Variants in OGFOD3 observed in about 807,000 individuals in gnomAD.
OGFOD3 encodes 2-oxoglutarate and iron dependent oxygenase domain containing 3.
OGFOD3 carries 35 observed loss-of-function variants against 39.8 expected under a neutral mutation model. The ratio of observed to expected loss-of-function variants is 0.88; its 90% confidence interval spans 0.67 to 1.17. The LOEUF is 1.17. Ranked by LOEUF, OGFOD3 falls within the 50% of genes most tolerant of loss-of-function variation. The probability of loss-of-function intolerance (pLI) is 0.00; values close to 1 mark genes in which losing one functional copy is unlikely to be tolerated. For missense variants in OGFOD3, 438 were observed against 454.5 expected (o/e 0.96, Z 0.33); for synonymous variants, 200 against 192.0 (o/e 1.04, Z -0.34).
intron 2 of OGFOD3, among the ~76,000 whole-genome samples, chr17:82,414,330 G>A (rs1189246462): frequency 2.0e-5 from 3 of 152,126 alleles, no homozygotes; most frequent in Non-Finnish European, 2.9e-5. Context: ...TAGAGATGGG[G>A]TCTCACTGTG....
chr17:82,404,591 C>T lies in OGFOD3; in HGVS notation c.546-501G>A, dbSNP rs994111159. ...GAAGACCCCATGTGCCAGGCCAGAG[C>T]GGCTCTGAAATGGATGTCTGGGTGG... On this transcript the variant is annotated intron_variant, in intron 6 of 8. Coordinates refer to ENST00000313056, the MANE Select transcript of OGFOD3 (RefSeq NM_024648.3). This position sits in a 1 kb window ranked among gnomAD's most constrained non-coding sequence, Gnocchi z 4.5. Among the ~76,000 whole-genome samples, 13 of 151,862 alleles carry T rather than the reference C, an allele frequency of 8.6e-5. No individual in the cohort carries two copies. Among genetic ancestry groups the T allele is most frequent in the Non-Finnish European group, 1.9e-4 (13 of 67,964 alleles).
At position 82,411,489 on chromosome 17, in the gene OGFOD3, C is replaced by A. The variant is rs145236071; in HGVS notation, c.346G>T (p.Val116Phe). 2.5e-6 allele frequency: 4 copies of A among 1,614,134 alleles called. No homozygotes were observed. The highest frequency in any genetic ancestry group is 1.3e-5 in the African/African-American group (1 of 75,072). ...RKCGRGVTDV[V>F]ITREEAERIR... The stretch of plus-strand genomic sequence containing the variant: ...CGCTCCGCTTCCTCCCTGGTGATGA[C>A]GACATCGGTGACACCTCTGCCGCAC... The change falls in exon 3 of 9, where the codon GTC becomes TTC. Residue 116 changes from valine (V) to phenylalanine (F), a missense_variant. Val to Phe is a conservative substitution (Grantham distance 50). Coordinates refer to ENST00000313056, the MANE Select transcript of OGFOD3 (RefSeq NM_024648.3).
At chr17:82,401,258 C>T (rs1168170244) in intron 7 of OGFOD3, 1 of 151,836 alleles carries the variant, frequency 6.6e-6, no homozygotes, top group Non-Finnish European at 1.5e-5. Flanking sequence ...ATTCTCCTGC[C>T]TCAGCCTCCC....
In OGFOD3 at chr17:82,409,055, C is replaced by T. The variant is rs948800098; in HGVS notation, c.423+313G>A. On this transcript the variant is annotated intron_variant, in intron 4 of 8. Transcript: ENST00000313056. ...CAGCCGTCTCCTCGCTGGGCTCCCACCCCGCTCCCTTGCCGGCTCCCTGCT... is the reference window on the plus strand; with the variant it reads ...CAGCCGTCTCCTCGCTGGGCTCCCATCCCGCTCCCTTGCCGGCTCCCTGCT... Among the ~76,000 whole-genome samples, 3 of 152,326 alleles carry T rather than the reference C, an allele frequency of 2.0e-5. No homozygotes were observed. The East Asian group carries it at 5.8e-4, about 29-fold the overall frequency.
Position 82,406,379 on chromosome 17 carries a change from C to T in OGFOD3, c.488+39G>A, listed in dbSNP as rs1212708520. 1 of 1,596,658 alleles carries T rather than the reference C, an allele frequency of 6.3e-7. No homozygotes were observed. The highest frequency in any genetic ancestry group is 1.1e-5 in the South Asian group (1 of 90,794). On this transcript the variant is annotated intron_variant, in intron 5 of 8. Coordinates refer to ENST00000313056, the MANE Select transcript of OGFOD3 (RefSeq NM_024648.3). This position sits in a 1 kb window ranked among gnomAD's most constrained non-coding sequence, Gnocchi z 5.2. ...AAGAGGCACGGAGCCGCTCACTCGG[C>T]TTTCAGAGCCAGCACTGAGGTCATG...
intron 3 of OGFOD3, 75 bp from the exon 4 acceptor site, chr17:82,409,485 G>A (rs2052910569): frequency 7.2e-7 from 1 of 1,386,532 alleles, no homozygotes; most frequent in East Asian, 2.3e-5. Context: ...ACGTCAATCA[G>A]CAAAATTAAT....
At chr17:82,394,592 C>T in intron 8 of OGFOD3, 1 of 1,493,360 alleles carries the variant, frequency 6.7e-7, no homozygotes. Flanking sequence ...ACTCCAGGGG[C>T]CTGGGCGGTG....
At chr17:82,394,188 C>T in intron 8 of OGFOD3, 2 of 531,724 alleles carry the variant, frequency 3.8e-6, no homozygotes, top group Admixed American at 3.0e-5. Context: ...GATGTAGTTT[C>T]ACCGTGTTAG....
At chr17:82,407,541 G>A (rs1348434468) in intron 4 of OGFOD3, among the ~76,000 whole-genome samples, 3 of 152,176 alleles carry the variant, frequency 2.0e-5, no homozygotes, top group Non-Finnish European at 4.4e-5. Flanking sequence ...TTTCCTGCCC[G>A]ACCACCCACC....
At chr17:82,399,069 C>T (rs1417244898) in intron 7 of OGFOD3, among the ~76,000 whole-genome samples, 2 of 150,308 alleles carry the variant, frequency 1.3e-5, no homozygotes, top group African/African-American at 2.5e-5. Context: ...ACTCCTGGCC[C>T]CAAGTGATCC....
At position 82,392,122 on chromosome 17, in the gene OGFOD3, A is replaced by T. The variant is rs1014307822; in HGVS notation, c.*276T>A. ...GGGTGGATGAGTCCCGTCCATTCAC[A>T]GATGGGGACTTGTGCCCCGTCCTGC... On this transcript the variant is annotated 3_prime_UTR_variant, in exon 9 of 9. Coordinates refer to ENST00000313056, the MANE Select transcript of OGFOD3 (RefSeq NM_024648.3). This position sits in a 1 kb window ranked among gnomAD's most constrained non-coding sequence, Gnocchi z 4.2. 4.0e-6 allele frequency: 2 copies of T among 497,972 alleles called. No homozygotes were observed. The highest frequency in any genetic ancestry group is 3.6e-6 in the Non-Finnish European group (1 of 279,630). 30.8% of individuals were successfully genotyped at this position (497,972 alleles called of 1,614,324 possible). A position where few individuals can be genotyped will look rare whatever the true frequency, so the allele number is the denominator to read the frequency against.
chr17:82,414,853 G>A (rs1272956958), intron 2 of OGFOD3, among the ~76,000 whole-genome samples: 1 of 152,256 alleles, frequency 6.6e-6, no homozygotes, highest in Non-Finnish European at 1.5e-5. Flanking sequence ...GAGGCCTACA[G>A]GGGGTGTGCG....
intron 7 of OGFOD3, among the ~76,000 whole-genome samples, chr17:82,399,096 C>T (rs1220962887): frequency 2.6e-5 from 4 of 152,006 alleles, no homozygotes; most frequent in Admixed American, 1.3e-4. Context: ...CTCAGCCTCC[C>T]GGGTGCTGGG....
intron 7 of OGFOD3, among the ~76,000 whole-genome samples, chr17:82,402,618 G>A (rs2052785449): frequency 2.7e-5 from 4 of 149,638 alleles, no homozygotes; most frequent in Admixed American, 2.7e-4. Flanking sequence ...GTGGTGGCAT[G>A]TGCCTGTAAT....
In OGFOD3 at chr17:82,404,021, C is replaced by G; in HGVS notation, c.615G>C (p.Leu205=). 6.2e-7 allele frequency: 1 copy of G among 1,611,108 alleles called. No individual in the cohort carries two copies. Among genetic ancestry groups the G allele is most frequent in the Non-Finnish European group, 8.5e-7 (1 of 1,178,838 alleles). The change falls in exon 7 of 9, where the codon CTG becomes CTC. Residue 205 remains leucine, a synonymous_variant. Transcript: ENST00000313056. The surrounding 1 kb of genome is among the most constrained non-coding windows in gnomAD (Gnocchi z 4.5). Reference sequence around the variant, plus strand: ...TGCGGGAGAAGAAGGTGGGCTTGGTCAGATGCAGCGAGGATGCGCTGATGC... The same window carrying G: ...TGCGGGAGAAGAAGGTGGGCTTGGTGAGATGCAGCGAGGATGCGCTGATGC... ...AFGISASSLH[L]TKPTFFSRIN...
chr17:82,400,587 G>A (rs1233226989), intron 7 of OGFOD3: 1 of 152,140 alleles, frequency 6.6e-6, no homozygotes, highest in East Asian at 1.9e-4. Context: ...AAGGAACTCT[G>A]AGATCTCAGG....
intron 2 of OGFOD3, among the ~76,000 whole-genome samples, chr17:82,411,987 C>G (rs1358584664): frequency 6.6e-6 from 1 of 151,232 alleles, no homozygotes; most frequent in Non-Finnish European, 1.5e-5. Context: ...GGGAACCCTC[C>G]TGAGACCACC....
At chr17:82,411,914 G>A (rs901539959) in intron 2 of OGFOD3, among the ~76,000 whole-genome samples, 3 of 150,466 alleles carry the variant, frequency 2.0e-5, no homozygotes, top group East Asian at 3.9e-4. Flanking sequence ...TCCTGAGACC[G>A]CCAGAGAGGA....
At chr17:82,412,111 A>G (rs2052957486) in intron 2 of OGFOD3, among the ~76,000 whole-genome samples, 1 of 149,268 alleles carries the variant, frequency 6.7e-6, no homozygotes, top group Admixed American at 6.8e-5. Flanking sequence ...CCACTGGAGC[A>G]GAAAACCCTC....
Sources: allele counts gnomAD v4.1 joint callset (sites outside exome capture counted in the v4.1 genomes callset), GRCh38; gene constraint gnomAD v4.1.1; non-coding constraint Gnocchi (gnomAD v3.1); transcripts MANE v1.5; gene names NCBI Gene and HGNC (gene_info 2026-07-23, HGNC 2026-07-21).